The following LIMS1 variants were observed in gnomAD, a reference collection of about 807,000 sequenced individuals.
LIMS1 encodes LIM zinc finger domain containing 1, also known as LIM and senescent cell antigen-like-containing domain protein 1.
A neutral mutation model predicts 44.1 loss-of-function variants in LIMS1; 18 were observed. The ratio of observed to expected loss-of-function variants is 0.41; its 90% CI spans 0.28 to 0.61. The LOEUF (loss-of-function observed/expected upper bound fraction) is 0.61, where lower values mean the gene tolerates loss of function less well. Ranked by LOEUF, LIMS1 falls within the 20% of genes least tolerant of loss-of-function variation. The probability of loss-of-function intolerance (pLI) is 0.32; values close to 1 mark genes in which losing one functional copy is unlikely to be tolerated. For synonymous variants in LIMS1, 93 were observed against 149.1 expected (o/e 0.62, Z 2.74); for missense variants, 201 against 422.0 (o/e 0.48, Z 4.59).
intron 1 of LIMS1, among the ~76,000 whole-genome samples, chr2:108,650,011 T>G (rs987491247): frequency 1.7e-4 from 26 of 152,120 alleles, no homozygotes; most frequent in Non-Finnish European, 3.5e-4. Context: ...AAAACGCCCT[T>G]AGGGAATTGA....
intron 1 of LIMS1, among the ~76,000 whole-genome samples, chr2:108,622,540 T>G (rs1432232088): frequency 6.6e-6 from 1 of 152,204 alleles, no homozygotes; most frequent in Non-Finnish European, 1.5e-5. Context: ...ACTAACATTA[T>G]TAGAACTTAT....
intron 1 of LIMS1, chr2:108,621,482 G>A: frequency 1.3e-6 from 2 of 1,526,706 alleles, no homozygotes; most frequent in Non-Finnish European, 1.8e-6. Flanking sequence ...AGTCATGGTT[G>A]GCTAAAGGTC....
chr2:108,554,900 T>A (rs1487597804), intron 1 of LIMS1, among the ~76,000 whole-genome samples: 3 of 152,192 alleles, frequency 2.0e-5, no homozygotes, highest in South Asian at 2.1e-4. Flanking sequence ...TCTTGGGCCC[T>A]ATCTATCTCA....
At chr2:108,675,752 G>A in intron 5 of LIMS1, 126 bp from the exon 6 acceptor site, 1 of 1,218,254 alleles carries the variant, frequency 8.2e-7, no homozygotes, top group South Asian at 1.3e-5. Flanking sequence ...CCTCTAAAGG[G>A]GAAAAAAGAA....
intron 1 of LIMS1, among the ~76,000 whole-genome samples, chr2:108,617,729 C>G (rs1469425197): frequency 1.3e-5 from 2 of 152,148 alleles, no homozygotes; most frequent in Non-Finnish European, 2.9e-5. Context: ...TGATCAGGAG[C>G]TAGTCCTGCC....
intron 1 of LIMS1, among the ~76,000 whole-genome samples, chr2:108,557,510 ATAG>A (rs908693931): frequency 1.3e-5 from 2 of 151,700 alleles, no homozygotes; most frequent in Non-Finnish European, 2.9e-5. Context: ...TAATCAAAAA[ATAG>A]TAGGAACTTT....
chr2:108,581,795 G>A (rs1685895622), intron 1 of LIMS1, among the ~76,000 whole-genome samples: 1 of 152,046 alleles, frequency 6.6e-6, no homozygotes, highest in African/African-American at 2.4e-5. Context: ...AAATTACTCG[G>A]GAGTGGTGGC....
chr2:108,577,197 T>C (rs1294050550), intron 1 of LIMS1, among the ~76,000 whole-genome samples: 1 of 152,234 alleles, frequency 6.6e-6, no homozygotes, highest in Non-Finnish European at 1.5e-5. Context: ...GCACAGTGCC[T>C]GACACACTGT....
At chr2:108,602,565 C>T (rs138912672) in intron 1 of LIMS1, among the ~76,000 whole-genome samples, 1,823 of 152,094 alleles carry the variant, frequency 0.012, 42 homozygotes, top group African/African-American at 0.043. Flanking sequence ...GGTTTTTATC[C>T]TTCATTCTGT....
At chr2:108,594,548 T>G (rs1299285001) in intron 1 of LIMS1, among the ~76,000 whole-genome samples, 1 of 152,150 alleles carries the variant, frequency 6.6e-6, no homozygotes, top group East Asian at 1.9e-4. Flanking sequence ...TTCCAGGGTT[T>G]CTTTCTACTG....
intron 1 of LIMS1, among the ~76,000 whole-genome samples, chr2:108,562,298 C>G (rs183979031): frequency 2.0e-5 from 3 of 152,318 alleles, no homozygotes; most frequent in African/African-American, 7.2e-5. Context: ...ACACATCTCT[C>G]ACTTTAAATC....
chr2:108,557,456 TATAAG>T (rs1205081119), intron 1 of LIMS1, among the ~76,000 whole-genome samples: 1 of 152,108 alleles, frequency 6.6e-6, no homozygotes, highest in Admixed American at 6.6e-5. Context: ...CTGACCATTT[TATAAG>T]ATATCGAACA....
chr2:108,570,154 G>A (rs181595267), intron 1 of LIMS1, among the ~76,000 whole-genome samples: 5 of 152,194 alleles, frequency 3.3e-5, no homozygotes, highest in Non-Finnish European at 7.4e-5. Context: ...TACTAGGCCG[G>A]GAATGGTGGC....
chr2:108,672,972 C>T, exon 5 of LIMS1: 3 of 1,216,448 alleles, frequency 2.5e-6, no homozygotes, highest in East Asian at 4.8e-5. Flanking sequence ...GATGAGCAGC[C>T]TCTGATATTC....
At chr2:108,593,821 C>G (rs1330525886) in intron 1 of LIMS1, among the ~76,000 whole-genome samples, 1 of 152,188 alleles carries the variant, frequency 6.6e-6, no homozygotes, top group Admixed American at 6.5e-5. Context: ...CTTTTCATTC[C>G]TGTAATCCTG....
At chr2:108,546,675 GA>G (rs1684492057) in intron 1 of LIMS1, among the ~76,000 whole-genome samples, 1 of 101,670 alleles carries the variant, frequency 9.8e-6, no homozygotes, top group Non-Finnish European at 2.0e-5. Flanking sequence ...TAATTTGAGT[GA>G]TCTTTTTTTT....
chr2:108,653,561 G>A (rs1222423690), intron 1 of LIMS1, among the ~76,000 whole-genome samples: 2 of 152,284 alleles, frequency 1.3e-5, no homozygotes, highest in African/African-American at 2.4e-5. Flanking sequence ...GGATGGGGAC[G>A]TGAGAAAGAT....
intron 2 of LIMS1, among the ~76,000 whole-genome samples, chr2:108,664,401 C>T (rs1691603690): frequency 6.6e-6 from 1 of 152,212 alleles, no homozygotes. Context: ...TCTTGGAGCT[C>T]ATCTTCCCCC....
chr2:108,608,450 C>T (rs1278573970), intron 1 of LIMS1, among the ~76,000 whole-genome samples: 1 of 151,872 alleles, frequency 6.6e-6, no homozygotes, highest in Non-Finnish European at 1.5e-5. Context: ...GGACTATAGG[C>T]GCCCGCCACC....
Sources: gnomAD v4.1 joint callset for allele counts (sites outside exome capture counted in the v4.1 genomes callset) on GRCh38, gnomAD v4.1.1 for gene constraint, MANE v1.5 for transcripts, NCBI Gene and HGNC (gene_info 2026-07-23, HGNC 2026-07-21) for gene names.